The following KANK1 variants were observed in gnomAD, a reference collection of about 807,000 sequenced individuals.
KANK1 encodes the protein KN motif and ankyrin repeat domain-containing protein 1.
KANK1 carries 109 observed loss-of-function variants against 106.2 expected under a neutral mutation model. That is an observed-to-expected ratio of 1.03 (90% CI 0.88 to 1.20). The LOEUF (loss-of-function observed/expected upper bound fraction) is 1.20, where lower values mean the gene tolerates loss of function less well. KANK1 is among the 50% of genes most tolerant of loss of function. KANK1 has a pLI of 0.00. For missense variants in KANK1, 2,399 were observed against 1,710.7 expected (o/e 1.40, Z -7.10); for synonymous variants, 873 against 652.2 (o/e 1.34, Z -5.16).
At chr9:657,024 C>A (rs1312049547) in intron 1 of KANK1, among the ~76,000 whole-genome samples, 2 of 151,408 alleles carry the variant, frequency 1.3e-5, no homozygotes. Context: ...ATGCTGTGCT[C>A]ATCAAACAAC....
intron 1 of KANK1, chr9:559,074 T>A (rs912715207): frequency 6.6e-6 from 1 of 152,240 alleles, no homozygotes; most frequent in African/African-American, 2.4e-5. Flanking sequence ...TTTTCATCTT[T>A]ATTTCTTAAT....
chr9:745,182 A>T lies in KANK1; in HGVS notation c.4006A>T (p.Arg1336Trp). 1 of 1,614,036 alleles carries T rather than the reference A, an allele frequency of 6.2e-7. No homozygotes were observed. The highest frequency in any genetic ancestry group is 8.5e-7 in the Non-Finnish European group (1 of 1,179,968). ...CTTTCCTGGTCTCTAGGGCACCCCTAGGCTTGGAAGGAAGACGTCTCCTGG... is the reference window on the plus strand; with the variant it reads ...CTTTCCTGGTCTCTAGGGCACCCCTTGGCTTGGAAGGAAGACGTCTCCTGG... ...FAKAQSPGTPRLGRKTSPGPT... is the reference protein window; with the variant it reads ...FAKAQSPGTPWLGRKTSPGPT... Residue 1336 changes from arginine (R) to tryptophan (W), a missense_variant, in exon 12 of 12, where the codon AGG (arginine) becomes TGG (tryptophan). Arg to Trp is a moderately radical substitution (Grantham distance 101). Transcript: ENST00000382297.
intron 2 of KANK1, chr9:693,341 T>G: frequency 1.0e-6 from 1 of 967,238 alleles, no homozygotes; most frequent in Non-Finnish European, 1.2e-6. Flanking sequence ...AGCCTTTCTC[T>G]GCAGTGGAGG....
intron 2 of KANK1, among the ~76,000 whole-genome samples, chr9:710,340 G>A (rs986212572): frequency 1.5e-4 from 23 of 152,034 alleles, no homozygotes; most frequent in Non-Finnish European, 3.2e-4. Context: ...TACCCAAGCC[G>A]GGCGCAGTGG....
chr9:600,728 T>C (rs774212262), intron 1 of KANK1, among the ~76,000 whole-genome samples: 1 of 151,836 alleles, frequency 6.6e-6, no homozygotes, highest in Non-Finnish European at 1.5e-5. Flanking sequence ...CTGGCAGTCA[T>C]TTTTAAATAG....
intron 3 of KANK1, among the ~76,000 whole-genome samples, chr9:726,302 T>C (rs915189888): frequency 2.6e-5 from 4 of 152,154 alleles, no homozygotes; most frequent in African/African-American, 9.7e-5. Flanking sequence ...TGATGTATCA[T>C]TAGAGGGAAT....
Position 732,679 on chromosome 9 carries a change from G to A in KANK1, c.3245+62G>A, listed in dbSNP as rs545788772. On this transcript the variant is annotated intron_variant, in intron 6 of 11. Coordinates refer to ENST00000382297, the MANE Select transcript of KANK1 (RefSeq NM_015158.5). ...ACATTTAATGTACTTTGGCAATAGA[G>A]TTGGCCAGTTCAGAGCTTTTGTAAT... is the stretch of plus-strand genomic sequence containing the variant. 10 of 1,572,042 alleles carry A rather than the reference G, an allele frequency of 6.4e-6. No homozygotes were observed. In the South Asian group the frequency reaches 9.3e-5, roughly 15 times the overall value.
intron 1 of KANK1, among the ~76,000 whole-genome samples, chr9:531,844 C>CTGTG (rs762412399): frequency 6.6e-6 from 1 of 152,082 alleles, no homozygotes; most frequent in African/African-American, 2.4e-5. Context: ...GTGGCTGCTT[C>CTGTG]TGTGTGTGTG....
At chr9:574,963 G>A (rs916636260) in intron 1 of KANK1, among the ~76,000 whole-genome samples, 12 of 151,858 alleles carry the variant, frequency 7.9e-5, no homozygotes, top group Middle Eastern at 3.2e-3. Context: ...GGAACTTGAA[G>A]TCATTTTACA....
At chr9:663,746 G>C (rs1490983117) in intron 1 of KANK1, among the ~76,000 whole-genome samples, 4 of 152,184 alleles carry the variant, frequency 2.6e-5, no homozygotes, top group African/African-American at 9.7e-5. Context: ...AGCAGAGCCA[G>C]CACGGGATTC....
intron 1 of KANK1, among the ~76,000 whole-genome samples, chr9:609,403 G>A (rs537000376): frequency 6.8e-4 from 104 of 152,218 alleles, no homozygotes; most frequent in African/African-American, 2.2e-3. Context: ...CGAGGAGGGC[G>A]GATCACCTGA....
rs752281642 is a variant in KANK1, at chr9:740,835, C to A, written c.3597C>A (p.Pro1199=). The A allele has an allele frequency of 2.3e-5, 37 of 1,613,910 alleles. No individual in the cohort carries two copies. The highest frequency in any genetic ancestry group is 3.1e-5 in the Non-Finnish European group (36 of 1,180,014). ...VDHQNKAGYT[P]IMLAALAAVE... ...ACCAGAACAAGGCAGGCTACACCCC[C>A]ATCATGTTGGCGGCCCTCGCCGCTG... The change falls in exon 9 of 12, where the codon CCC becomes CCA. Residue 1199 remains proline (P), a synonymous_variant. Transcript: ENST00000382297.
chr9:562,396 C>G lies in KANK1; in HGVS notation c.-84+57642C>G, dbSNP rs188850409. On this transcript the variant is annotated intron_variant, in intron 1 of 11. Coordinates refer to ENST00000382297, the MANE Select transcript of KANK1 (RefSeq NM_015158.5). ...ACACCCTGCCAGAGCTGGGTAACAA[C>G]TGCTTCTGGGGAAGATGGGAACGGA... Among the ~76,000 whole-genome samples the G allele has an allele frequency of 2.6e-5, 4 of 152,320 alleles. No individual in the cohort carries two copies. The East Asian group carries it at 7.7e-4, about 29-fold the overall frequency.
At chr9:592,512 T>G (rs1048288368) in intron 1 of KANK1, among the ~76,000 whole-genome samples, 4 of 151,860 alleles carry the variant, frequency 2.6e-5, no homozygotes, top group African/African-American at 9.7e-5. Context: ...ACTGGATACC[T>G]GTGTCTAAGT....
chr9:683,914 TTTC>T (rs1818047848), intron 2 of KANK1, among the ~76,000 whole-genome samples: 2 of 152,200 alleles, frequency 1.3e-5, no homozygotes, highest in Non-Finnish European at 2.9e-5. Context: ...ATGAAATAAT[TTTC>T]TTATAGTGGT....
intron 1 of KANK1, among the ~76,000 whole-genome samples, chr9:595,831 G>T (rs1826076786): frequency 6.6e-6 from 1 of 151,886 alleles, no homozygotes; most frequent in Non-Finnish European, 1.5e-5. Context: ...CTCATGAGAA[G>T]ATTTATGATG....
intron 2 of KANK1, among the ~76,000 whole-genome samples, chr9:704,554 T>C (rs992524012): frequency 1.7e-4 from 26 of 152,198 alleles, no homozygotes; most frequent in African/African-American, 6.0e-4. Context: ...GAGGGGATAA[T>C]GCATACTAAA....
chr9:578,369 A>T (rs917270280), intron 1 of KANK1, among the ~76,000 whole-genome samples: 1 of 151,916 alleles, frequency 6.6e-6, no homozygotes, highest in Admixed American at 6.6e-5. Context: ...TTGCTAAGCC[A>T]TGGAGGGTAA....
intron 1 of KANK1, among the ~76,000 whole-genome samples, chr9:617,571 A>G (rs1170097413): frequency 2.0e-5 from 3 of 152,108 alleles, no homozygotes; most frequent in Non-Finnish European, 4.4e-5. Context: ...CTTTACAGCT[A>G]CTTGATGGTG....
Sources: allele counts gnomAD v4.1 joint callset (sites outside exome capture counted in the v4.1 genomes callset), GRCh38; gene constraint gnomAD v4.1.1; transcripts MANE v1.5; gene names NCBI Gene and HGNC (gene_info 2026-07-23, HGNC 2026-07-21).